The following ITSN2 variants were observed in gnomAD, a reference collection of about 807,000 sequenced individuals.
ITSN2 encodes intersectin 2.
A neutral mutation model predicts 243.7 loss-of-function variants in ITSN2; 156 were observed. The observed-to-expected ratio is 0.64, with a 90% CI of 0.56 to 0.73. ITSN2 has a LOEUF of 0.73. ITSN2 is among the 30% of genes least tolerant of loss of function. ITSN2 has a pLI of 0.00. For missense variants in ITSN2, 1,801 were observed against 1,996.1 expected, an observed-to-expected ratio of 0.90 and a Z score of 1.86; for synonymous variants, 703 against 699.9, an observed-to-expected ratio of 1.00 and a Z score of -0.07.
At chr2:24,258,350 G>A (rs1675336650) in intron 22 of ITSN2, among the ~76,000 whole-genome samples, 1 of 152,112 alleles carries the variant, frequency 6.6e-6, no homozygotes. Context: ...TAAATAATGT[G>A]TACTCAAGAA....
intron 13 of ITSN2, among the ~76,000 whole-genome samples, chr2:24,298,376 T>C (rs896294054): frequency 6.6e-6 from 1 of 152,090 alleles, no homozygotes; most frequent in Non-Finnish European, 1.5e-5. Context: ...CAGGCTGGTC[T>C]TGAACTCCTG....
In ITSN2 at chr2:24,203,160, T is replaced by C. The variant is rs1382691140; in HGVS notation, c.*466A>G. The C allele has an allele frequency of 6.4e-6, 1 of 155,430 alleles. No individual in the cohort carries two copies. The highest frequency in any genetic ancestry group is 2.4e-5 in the African/African-American group (1 of 41,502). 9.6% of individuals were successfully genotyped at this position (155,430 alleles called of 1,614,324 possible). On this transcript the variant is annotated 3_prime_UTR_variant, in exon 40 of 40. Coordinates refer to ENST00000355123, the MANE Select transcript of ITSN2 (RefSeq NM_006277.3). ...AGTGCACGAGTAGACGCTATTTCAG[T>C]ATCAGGCCGCGCCAAGTGTCGAGGC...
chr2:24,302,380 A>G (rs1207060100), intron 9 of ITSN2, among the ~76,000 whole-genome samples: 1 of 151,896 alleles, frequency 6.6e-6, no homozygotes, highest in Non-Finnish European at 1.5e-5. Flanking sequence ...TTGTATTTTT[A>G]GTAGAGACGG....
At chr2:24,266,942 T>C (rs1456487374) in intron 20 of ITSN2, among the ~76,000 whole-genome samples, 1 of 151,654 alleles carries the variant, frequency 6.6e-6, no homozygotes, top group East Asian at 2.0e-4. Flanking sequence ...GTTTCAAAAA[T>C]AAATAAATAA....
chr2:24,238,863 C>T (rs1672445752), intron 29 of ITSN2: 1 of 152,024 alleles, frequency 6.6e-6, no homozygotes. Context: ...GACATTTAAT[C>T]ATGACTAAAT....
chr2:24,312,878 T>A (rs1683425020), intron 4 of ITSN2, among the ~76,000 whole-genome samples: 1 of 152,036 alleles, frequency 6.6e-6, no homozygotes, highest in Non-Finnish European at 1.5e-5. Flanking sequence ...GTTTATAGAT[T>A]ATGAAATAAA....
intron 1 of ITSN2, among the ~76,000 whole-genome samples, chr2:24,337,329 T>TACATATATATATATATATATATATATAC (rs1435357275): frequency 1.1e-5 from 1 of 94,462 alleles, no homozygotes; most frequent in Non-Finnish European, 2.1e-5. Flanking sequence ...TATATATATA[T>TACATATATATATATATATATATATATAC]ATATATATAT....
At chr2:24,331,068 C>CTTTT (rs1182993261) in intron 1 of ITSN2, among the ~76,000 whole-genome samples, 4 of 111,764 alleles carry the variant, frequency 3.6e-5, no homozygotes, top group African/African-American at 6.9e-5. Flanking sequence ...CACCCGGCCA[C>CTTTT]TTTTTTTTTT....
At chr2:24,255,520 T>G (rs982638717) in intron 23 of ITSN2, among the ~76,000 whole-genome samples, 3 of 151,620 alleles carry the variant, frequency 2.0e-5, no homozygotes, top group Admixed American at 1.3e-4. Context: ...CCCAGTTACT[T>G]GGGAGGTTGA....
At chr2:24,218,446 C>G (rs1670163805) in intron 30 of ITSN2, among the ~76,000 whole-genome samples, 1 of 152,194 alleles carries the variant, frequency 6.6e-6, no homozygotes, top group African/African-American at 2.4e-5. Context: ...CAACTTATGC[C>G]ACCCCTAAGA....
At chr2:24,307,082 G>C (rs1350237925) in intron 8 of ITSN2, among the ~76,000 whole-genome samples, 2 of 152,152 alleles carry the variant, frequency 1.3e-5, no homozygotes, top group Admixed American at 6.5e-5. Flanking sequence ...GGGATTACAG[G>C]CGTGAGCCAC....
At position 24,261,619 on chromosome 2, in the gene ITSN2, G is replaced by A. The variant is rs760001258; in HGVS notation, c.2479C>T (p.Pro827Ser). The change falls in exon 21 of 40, where the codon CCA (proline) becomes TCA (serine). Residue 827 changes from proline (P) to serine (S), a missense_variant. Pro to Ser is a moderately conservative substitution (Grantham distance 74). This residue lies in a region of ITSN2 where 928 missense variants were observed against 1,065.4 expected (regional missense o/e 0.87). Coordinates refer to ENST00000355123, the MANE Select transcript of ITSN2 (RefSeq NM_006277.3). ...PSSENEKAVS[P>S]KKALLPPTVS... ...GTAGGAGGAAGTAAGGCCTTCTTTG[G>A]AGATACAGCTTTTTCATTTTCACTT... The A allele has an allele frequency of 2.5e-6, 4 of 1,613,592 alleles. No individual in the cohort carries two copies. In the East Asian group the frequency reaches 6.7e-5, roughly 27 times the overall value.
intron 12 of ITSN2, among the ~76,000 whole-genome samples, chr2:24,299,369 T>A (rs1423092980): frequency 6.6e-6 from 1 of 152,238 alleles, no homozygotes; most frequent in Non-Finnish European, 1.5e-5. Flanking sequence ...AAATTCTATT[T>A]ATATTATTTC....
Position 24,337,338 on chromosome 2 carries a change from A to ATATATATATATATATATATATG in ITSN2, c.-33-9224_-33-9223insCATATATATATATATATATATA. Among the ~76,000 whole-genome samples the ATATATATATATATATATATATG allele has an allele frequency of 1.8e-5, 2 of 112,620 alleles. 1 individual carries two copies. Among genetic ancestry groups the ATATATATATATATATATATATG allele is most frequent in the Admixed American group, 1.9e-4 (2 of 10,472 alleles). The allele number at this position is 112,620 out of a possible 152,430, so 73.9% of individuals were successfully genotyped here. A position where few individuals can be genotyped will look rare whatever the true frequency, so the allele number is the denominator to read the frequency against. ...AAAATATATATATATATATATATAT[A>ATATATATATATATATATATATG]TATATATATATATATGTAATTTTTT... On this transcript the variant is annotated intron_variant, in intron 1 of 39. Transcript: ENST00000355123.
chr2:24,237,284 G>A (rs1342684323), intron 29 of ITSN2, among the ~76,000 whole-genome samples: 1 of 152,112 alleles, frequency 6.6e-6, no homozygotes, highest in Non-Finnish European at 1.5e-5. Context: ...ATTTTTACTG[G>A]TGTGAGAGAT....
At chr2:24,282,528 G>T (rs912028879) in intron 17 of ITSN2, among the ~76,000 whole-genome samples, 5 of 152,210 alleles carry the variant, frequency 3.3e-5, no homozygotes, top group African/African-American at 1.2e-4. Context: ...CTTGTGATAA[G>T]GAAGGGGGTC....
chr2:24,271,417 G>C (rs1378359136), intron 19 of ITSN2, among the ~76,000 whole-genome samples: 1 of 152,140 alleles, frequency 6.6e-6, no homozygotes. Context: ...GGACTGAGGT[G>C]TATCAAAATT....
Position 24,251,309 on chromosome 2 carries a change from C to CA in ITSN2, c.3120+1035dup, listed in dbSNP as rs1553355845. 7.7e-4 allele frequency among the ~76,000 whole-genome samples: 17 copies of CA among 22,012 alleles called. 2 individuals carry two copies. The highest frequency in any genetic ancestry group is 4.6e-3 in the African/African-American group (16 of 3,480). The allele number at this position is 22,012 out of a possible 152,430, so 14.4% of individuals were successfully genotyped here. ...TGGGCAACAGAACTAAACTCCATCT[C>CA]AAAAAAAAAAAAAAATAAAATATAT... On this transcript the variant is annotated intron_variant, in intron 25 of 39. Coordinates refer to ENST00000355123, the MANE Select transcript of ITSN2 (RefSeq NM_006277.3).
intron 1 of ITSN2, among the ~76,000 whole-genome samples, chr2:24,355,767 A>G (rs1688388467): frequency 2.0e-5 from 3 of 152,246 alleles, no homozygotes; most frequent in Non-Finnish European, 4.4e-5. Context: ...CTGCACAGCA[A>G]AAGAAACTAT....
Sources: gnomAD v4.1 joint callset for allele counts (sites outside exome capture counted in the v4.1 genomes callset) on GRCh38, gnomAD v4.1.1 for gene constraint, gnomAD v4.1.1 regional missense constraint, MANE v1.5 for transcripts, NCBI Gene and HGNC (gene_info 2026-07-23, HGNC 2026-07-21) for gene names.